The following DRC8 variants were observed in gnomAD, a reference collection of about 807,000 sequenced individuals.
DRC8 encodes the protein dynein regulatory complex subunit 8, also known as dynein regulatory complex protein 8.
At chr1:244,970,025 G>A in the DRC8 span, 1 of 596,760 alleles carries the variant, frequency 1.7e-6, no homozygotes, top group Non-Finnish European at 3.0e-6. Flanking sequence ...CGCACAAACA[G>A]GACAGGAGGG....
chr1:245,043,897 A>T, the DRC8 span: 1 of 92,152 alleles, frequency 1.1e-5, no homozygotes, highest in African/African-American at 3.1e-5. Flanking sequence ...AATAAATTAT[A>T]TAGACAATTC....
the DRC8 span, among the ~76,000 whole-genome samples, chr1:244,988,520 C>T: frequency 0.052 from 7,847 of 152,074 alleles, 295 homozygotes; most frequent in Non-Finnish European, 0.079. Context: ...AGATGATATG[C>T]GTATCCAACC....
At chr1:245,100,815 AAATACT>A in the DRC8 span, among the ~76,000 whole-genome samples, 74,480 of 149,278 alleles carry the variant, frequency 0.5, 19,839 homozygotes, top group East Asian at 0.67. Context: ...TAATAATAAT[AAATACT>A]TCACAGTTTG....
chr1:245,122,947 G>T, the DRC8 span: 1 of 152,176 alleles, frequency 6.6e-6, no homozygotes, highest in Admixed American at 6.5e-5. Flanking sequence ...GTGTGTCTGT[G>T]GATTTGCCTC....
chr1:244,970,347 C>G, the DRC8 span: 13 of 1,521,520 alleles, frequency 8.5e-6, no homozygotes, highest in Non-Finnish European at 1.1e-5. Flanking sequence ...CGCCGCGGGG[C>G]GCTGAGCAGG....
chr1:245,034,124 C>T, the DRC8 span, among the ~76,000 whole-genome samples: 1 of 152,192 alleles, frequency 6.6e-6, no homozygotes, highest in African/African-American at 2.4e-5. Flanking sequence ...GTTTCATCTC[C>T]ATCCTTCTTT....
chr1:245,100,692 G>A, the DRC8 span, among the ~76,000 whole-genome samples: 1 of 151,656 alleles, frequency 6.6e-6, no homozygotes, highest in African/African-American at 2.4e-5. Flanking sequence ...GAGTCAGGAG[G>A]ATCACCTGAT....
chr1:245,029,056 AAATGC>A, the DRC8 span, among the ~76,000 whole-genome samples: 1 of 152,238 alleles, frequency 6.6e-6, no homozygotes, highest in African/African-American at 2.4e-5. Context: ...TAAGTGGCAT[AAATGC>A]CATAAGGGTT....
the DRC8 span, chr1:245,083,680 C>T: frequency 6.2e-7 from 1 of 1,608,968 alleles, no homozygotes; most frequent in Non-Finnish European, 8.5e-7. Context: ...AAGTATATGA[C>T]TGAAGAAGGT....
At chr1:245,020,579 C>CT in the DRC8 span, among the ~76,000 whole-genome samples, 11 of 146,994 alleles carry the variant, frequency 7.5e-5, no homozygotes, top group East Asian at 2.0e-3. Flanking sequence ...TTCATTCTCA[C>CT]TGTTTCCACA....
At chr1:244,996,213 GGCTGCTTGAGT>G in the DRC8 span, among the ~76,000 whole-genome samples, 2 of 152,102 alleles carry the variant, frequency 1.3e-5, no homozygotes, top group African/African-American at 2.4e-5. Flanking sequence ...GTTTCCCATA[GGCTGCTTGAGT>G]GCTGCTTGAG....
At chr1:245,106,496 C>T in the DRC8 span, among the ~76,000 whole-genome samples, 1 of 151,530 alleles carries the variant, frequency 6.6e-6, no homozygotes, top group African/African-American at 2.4e-5. Context: ...AAATATATTT[C>T]AATATTTAAT....
At chr1:245,037,606 C>G in the DRC8 span, among the ~76,000 whole-genome samples, 3 of 152,046 alleles carry the variant, frequency 2.0e-5, no homozygotes, top group African/African-American at 7.2e-5. Flanking sequence ...TTAGTATTGA[C>G]TAGAGGTATT....
At chr1:245,075,172 G>A in the DRC8 span, among the ~76,000 whole-genome samples, 2 of 152,144 alleles carry the variant, frequency 1.3e-5, no homozygotes, top group Non-Finnish European at 2.9e-5. Context: ...GCTTTTATGA[G>A]AAAAGAGATG....
At chr1:245,058,534 T>C in the DRC8 span, among the ~76,000 whole-genome samples, 2 of 152,206 alleles carry the variant, frequency 1.3e-5, no homozygotes, top group Non-Finnish European at 2.9e-5. Context: ...ACTAAAATTA[T>C]CCAGAGTGGT....
the DRC8 span, among the ~76,000 whole-genome samples, chr1:245,082,947 G>A: frequency 6.6e-6 from 1 of 152,058 alleles, no homozygotes; most frequent in Non-Finnish European, 1.5e-5. Context: ...GACCTCAGAT[G>A]ATCTGCCCAC....
the DRC8 span, among the ~76,000 whole-genome samples, chr1:245,121,643 G>A: frequency 2.6e-5 from 4 of 152,292 alleles, no homozygotes; most frequent in East Asian, 7.7e-4. Context: ...TACTACCAAA[G>A]GCCGGGCTGG....
At chr1:245,091,555 C>T in the DRC8 span, 10 of 152,250 alleles carry the variant, frequency 6.6e-5, no homozygotes, top group Non-Finnish European at 1.5e-4. Context: ...CCTCCCCAGC[C>T]CCACCTTCGA....
the DRC8 span, among the ~76,000 whole-genome samples, chr1:245,059,640 A>G: frequency 1.3e-5 from 2 of 152,230 alleles, no homozygotes; most frequent in East Asian, 1.9e-4. Flanking sequence ...AATTGAGCAG[A>G]TCTTGAAGAA....
Sources: allele counts gnomAD v4.1 joint callset (sites outside exome capture counted in the v4.1 genomes callset), GRCh38; gene constraint gnomAD v4.1.1; transcripts MANE v1.5; gene names NCBI Gene and HGNC (gene_info 2026-07-23, HGNC 2026-07-21).